ELP2: variants seen among roughly 807,000 people sequenced by gnomAD.
ELP2 encodes the protein elongator acetyltransferase complex subunit 2.
In ELP2, 90 loss-of-function variants were observed where a neutral mutation model predicts 119.2. That is an observed-to-expected ratio of 0.75 (90% confidence interval 0.64 to 0.90). ELP2 has a LOEUF of 0.90. Among genes scored for constraint, ELP2 ranks in the 40% least tolerant of loss-of-function variants. The pLI is 0.00. For synonymous variants in ELP2, 339 were observed against 331.0 expected, an observed-to-expected ratio of 1.02 and a Z score of -0.26; for missense variants, 921 against 967.8, an observed-to-expected ratio of 0.95 and a Z score of 0.64.
At position 36,154,947 on chromosome 18, in the gene ELP2, C is replaced by G. The variant is rs760067261; in HGVS notation, c.1223C>G (p.Thr408Ser). The change falls in exon 12 of 22, where the codon ACT (threonine) becomes AGT (serine). Residue 408 changes from threonine (T) to serine (S), a missense_variant. By Grantham distance (58) the Thr-to-Ser change is moderately conservative (BLOSUM62 1). Coordinates refer to ENST00000358232, the MANE Select transcript of ELP2 (RefSeq NM_018255.4). Reference protein sequence around the residue: ...PEGEFIITVGTDQTTRLFAPW... With the variant: ...PEGEFIITVGSDQTTRLFAPW... ...GGAGAATTTATTATCACTGTTGGTA[C>G]TGATCAGACAACTAGACTTTTTGCT... 8 of 1,613,796 alleles carry G rather than the reference C, an allele frequency of 5.0e-6. No individual in the cohort carries two copies. Among genetic ancestry groups the G allele is most frequent in the South Asian group, 4.4e-5 (4 of 91,086 alleles).
At chr18:36,145,162 A>G in intron 9 of ELP2, 128 bp downstream of exon 9, 1 of 760,058 alleles carries the variant, frequency 1.3e-6, no homozygotes, top group African/African-American at 1.7e-5. Context: ...TTTCAAGTTG[A>G]CAAAGTATAA....
At chr18:36,153,978 A>G (rs907839494) in intron 11 of ELP2, among the ~76,000 whole-genome samples, 3 of 151,362 alleles carry the variant, frequency 2.0e-5, no homozygotes, top group East Asian at 3.9e-4. Context: ...AGTGCTGTCC[A>G]TTGCTCAAAA....
chr18:36,162,512 A>G (rs1397319843), intron 17 of ELP2, among the ~76,000 whole-genome samples: 1 of 152,128 alleles, frequency 6.6e-6, no homozygotes, highest in Non-Finnish European at 1.5e-5. Flanking sequence ...GCTTTTACTC[A>G]TGGTACAGTT....
At position 36,139,664 on chromosome 18, in the gene ELP2, G is replaced by A. The variant is rs1272154919; in HGVS notation, c.523+792G>A. Reference sequence around the variant, plus strand: ...TTTTATTTTTCTTTTTTCTGTAGTTGATCTAAAGTAAGAAAATCTTTGAAA... The same window carrying A: ...TTTTATTTTTCTTTTTTCTGTAGTTAATCTAAAGTAAGAAAATCTTTGAAA... On this transcript the variant is annotated intron_variant, in intron 5 of 21. Transcript: ENST00000358232. The A allele has an allele frequency of 3.5e-6, 5 of 1,448,484 alleles. No homozygotes were observed. In the African/African-American group the frequency reaches 7.1e-5, roughly 21 times the overall value. The allele number at this position is 1,448,484 out of a possible 1,614,324, so 89.7% of individuals were successfully genotyped here.
rs2090555397 is a variant in ELP2, at chr18:36,155,835, GATA to G, written c.1276-627_1276-625del. Among the ~76,000 whole-genome samples the G allele has an allele frequency of 1.3e-5, 2 of 152,222 alleles. 1 individual carries two copies. Among genetic ancestry groups the G allele is most frequent in the South Asian group, 4.1e-4 (2 of 4,826 alleles). On this transcript the variant is annotated intron_variant, in intron 12 of 21. Transcript: ENST00000358232. ...AAAAGCCTGAAGTCATATAGTATTA[GATA>G]ATAGTAGTGAGGGCAGTTTTTGTTT... is the stretch of plus-strand genomic sequence containing the variant.
At chr18:36,141,611 A>C (rs1249290864) in intron 6 of ELP2, among the ~76,000 whole-genome samples, 1 of 151,892 alleles carries the variant, frequency 6.6e-6, no homozygotes, top group Non-Finnish European at 1.5e-5. Context: ...GTTAACTCTA[A>C]ACTCATTTAT....
intron 5 of ELP2, among the ~76,000 whole-genome samples, chr18:36,140,293 A>G (rs1012486477): frequency 6.6e-6 from 1 of 151,520 alleles, no homozygotes; most frequent in East Asian, 1.9e-4. Context: ...ATGCCTGGCT[A>G]ATTGCCTTGT....
chr18:36,160,114 A>G, intron 16 of ELP2, 99 bp downstream of exon 16: 3 of 1,144,050 alleles, frequency 2.6e-6, no homozygotes, highest in Non-Finnish European at 4.0e-6. Flanking sequence ...TCTTCCTTCT[A>G]CCTACCTTTT....
At chr18:36,169,933 C>T (rs1186466510) in intron 19 of ELP2, 130 bp from the exon 20 acceptor site, 8 of 1,211,120 alleles carry the variant, frequency 6.6e-6, no homozygotes, top group East Asian at 4.8e-5. Flanking sequence ...ACACCATACA[C>T]GAATGTAATG....
At chr18:36,138,711 G>A (rs892091662) in intron 4 of ELP2, 84 bp from the exon 5 acceptor site, 3 of 1,144,290 alleles carry the variant, frequency 2.6e-6, no homozygotes, top group Non-Finnish European at 4.0e-6. Context: ...TGCTACCTGG[G>A]GCTGTGATGA....
At chr18:36,145,285 T>C in intron 9 of ELP2, 1 of 450,014 alleles carries the variant, frequency 2.2e-6, no homozygotes, top group East Asian at 4.3e-5. Context: ...AGTAACTTTT[T>C]ATCTTAAAAG....
intron 8 of ELP2, 136 bp downstream of exon 8, chr18:36,143,102 C>CT (rs879433256): frequency 0.049 from 24,032 of 490,438 alleles, 9 homozygotes; most frequent in South Asian, 0.063. Context: ...TTTTTTCTTT[C>CT]TTTTTTTTTT....
At chr18:36,158,746 A>G (rs746717907) in intron 13 of ELP2, 89 bp from the exon 14 acceptor site, 1 of 908,644 alleles carries the variant, frequency 1.1e-6, no homozygotes, top group Non-Finnish European at 1.8e-6. Context: ...ACTTTTTTGT[A>G]GTGCCTGAAG....
chr18:36,179,448 C>T lies in ELP2; in HGVS notation c.*4807C>T, dbSNP rs1017881021. 4 of 139,628 alleles carry T rather than the reference C, an allele frequency of 2.9e-5. No homozygotes were observed. The highest frequency in any genetic ancestry group is 1.1e-4 in the African/African-American group (4 of 37,292). 8.6% of individuals were successfully genotyped at this position (139,628 alleles called of 1,614,324 possible). A position where few individuals can be genotyped will look rare whatever the true frequency, so the allele number is the denominator to read the frequency against. Reference sequence around the variant, plus strand: ...CCGAGATCGAGCCACTGCACTCCAGCCTGGGCAACAGAGTGAGACTCCATC... The same window carrying T: ...CCGAGATCGAGCCACTGCACTCCAGTCTGGGCAACAGAGTGAGACTCCATC... On this transcript the variant is annotated 3_prime_UTR_variant, in exon 22 of 22. Coordinates refer to ENST00000358232, the MANE Select transcript of ELP2 (RefSeq NM_018255.4).
Position 36,145,949 on chromosome 18 carries a change from T to C in ELP2, c.894T>C (p.Asp298=). ...AVHWQPVFYK[D]GVLQQPVRLL... ...AAGGGATTAGGTTTTATTTTTTAGA[T>C]GGTGTCCTACAGCAGCCAGTGAGAT... Residue 298 remains aspartate, a splice_region_variant and synonymous_variant, in exon 10 of 22, where the codon GAT becomes GAC. Transcript: ENST00000358232. The C allele has an allele frequency of 6.2e-7, 1 of 1,612,108 alleles. No homozygotes were observed. Among genetic ancestry groups the C allele is most frequent in the Non-Finnish European group, 8.5e-7 (1 of 1,178,136 alleles).
At chr18:36,139,401 G>C (rs918349208) in intron 5 of ELP2, 28 of 1,534,200 alleles carry the variant, frequency 1.8e-5, no homozygotes, top group Non-Finnish European at 2.4e-5. Flanking sequence ...GAGTGAGTCA[G>C]CCTCTTTGCC....
rs114564347 is a variant in ELP2, at chr18:36,142,996, C to T, written c.796+30C>T. ...GTAATAATGAAAATATCCAATATAA[C>T]GATACTTAGGTCTCCTAGTTGGTTG... On this transcript the variant is annotated intron_variant, in intron 8 of 21. Transcript: ENST00000358232. 3,001 of 1,512,286 alleles carry T rather than the reference C, an allele frequency of 2.0e-3. 53 individuals are homozygous for T. The African/African-American group carries it at 0.036, about 18-fold the overall frequency. 93.7% of individuals were successfully genotyped at this position (1,512,286 alleles called of 1,614,324 possible).
rs555322020 is a variant in ELP2, at chr18:36,172,265, C to A, written c.2324+1105C>A. Among the ~76,000 whole-genome samples the A allele has an allele frequency of 4.9e-4, 75 of 152,150 alleles. No homozygotes were observed. The South Asian group carries it at 8.9e-3, about 18-fold the overall frequency. On this transcript the variant is annotated intron_variant, in intron 21 of 21. Coordinates refer to ENST00000358232, the MANE Select transcript of ELP2 (RefSeq NM_018255.4). Reference sequence around the variant, plus strand: ...CTGGGTGAGTGAGAGCCTGTCCCCCCCAAAAAAGTATAAACGTTCAGAAAG... The same window carrying A: ...CTGGGTGAGTGAGAGCCTGTCCCCCACAAAAAAGTATAAACGTTCAGAAAG...
At chr18:36,172,901 T>TAA (rs2091125426) in intron 21 of ELP2, among the ~76,000 whole-genome samples, 1 of 152,208 alleles carries the variant, frequency 6.6e-6, no homozygotes, top group Non-Finnish European at 1.5e-5. Context: ...CATATATTAT[T>TAA]TGGATTGCTA....
Sources: gnomAD v4.1 joint callset for allele counts (sites outside exome capture counted in the v4.1 genomes callset) on GRCh38, gnomAD v4.1.1 for gene constraint, MANE v1.5 for transcripts, NCBI Gene and HGNC (gene_info 2026-07-23, HGNC 2026-07-21) for gene names.